ZHX2: variants seen among roughly 807,000 people sequenced by gnomAD.
ZHX2 encodes zinc fingers and homeoboxes 2, also known as zinc fingers and homeoboxes protein 2.
Under a neutral mutation model 21.9 loss-of-function variants are expected in ZHX2, and 6 were observed. The ratio of observed to expected loss-of-function variants is 0.27; its 90% CI spans 0.15 to 0.54. The LOEUF is 0.54. Ranked by LOEUF, ZHX2 falls within the 20% of genes least tolerant of loss-of-function variation. ZHX2 has a pLI of 0.95. For missense variants in ZHX2, 908 were observed against 1,090.7 expected, an observed-to-expected ratio of 0.83 and a Z score of 2.36; for synonymous variants, 434 against 437.1, an observed-to-expected ratio of 0.99 and a Z score of 0.09.
chr8:122,966,874 A>G (rs1490519025), intron 3 of ZHX2, among the ~76,000 whole-genome samples: 1 of 152,056 alleles, frequency 6.6e-6, no homozygotes, highest in African/African-American at 2.4e-5. Context: ...GTCTCTGTCA[A>G]GTTGGGTTAA....
rs745585522 is a variant in ZHX2, at chr8:122,953,704, A to G, written c.2194A>G (p.Lys732Glu). 24 of 1,614,112 alleles carry G rather than the reference A, an allele frequency of 1.5e-5. No homozygotes were observed. The highest frequency in any genetic ancestry group is 2.0e-5 in the Non-Finnish European group (24 of 1,180,044). Reference protein sequence around the residue: ...NGGDVVPQYYKDPKKLCEEDL... With the variant: ...NGGDVVPQYYEDPKKLCEEDL... Reference sequence around the variant, plus strand: ...GGGTGATGTGGTTCCACAATATTACAAGGACCCCAAAAAGCTCTGCGAAGA... The same window carrying G: ...GGGTGATGTGGTTCCACAATATTACGAGGACCCCAAAAAGCTCTGCGAAGA... The change falls in exon 3 of 4, where the codon AAG becomes GAG. Residue 732 changes from lysine (K) to glutamate (E), a missense_variant. Physicochemically the swap from Lys to Glu is moderately conservative, Grantham distance 56. Coordinates refer to ENST00000314393, the MANE Select transcript of ZHX2 (RefSeq NM_014943.5). This position sits in a 1 kb window ranked among gnomAD's most constrained non-coding sequence, Gnocchi z 4.6.
At chr8:122,814,188 G>A (rs1461214065) in intron 1 of ZHX2, among the ~76,000 whole-genome samples, 1 of 152,178 alleles carries the variant, frequency 6.6e-6, no homozygotes, top group Non-Finnish European at 1.5e-5. Flanking sequence ...AAAGAGCCAA[G>A]GCAGCTTCCT....
intron 1 of ZHX2, among the ~76,000 whole-genome samples, chr8:122,816,187 C>G (rs1486223377): frequency 6.6e-6 from 1 of 151,770 alleles, no homozygotes; most frequent in Non-Finnish European, 1.5e-5. Context: ...CTTCCACCAT[C>G]AAAAGGCTAA....
At chr8:122,830,339 G>A (rs1340503244) in intron 1 of ZHX2, among the ~76,000 whole-genome samples, 5 of 152,108 alleles carry the variant, frequency 3.3e-5, no homozygotes, top group Admixed American at 6.5e-5. Flanking sequence ...TTTTGCTGGC[G>A]CACACTGCTG....
intron 2 of ZHX2, among the ~76,000 whole-genome samples, chr8:122,886,765 A>G (rs1164219613): frequency 1.3e-5 from 2 of 152,206 alleles, no homozygotes; most frequent in Non-Finnish European, 2.9e-5. Flanking sequence ...CATAATAGAA[A>G]TTATTGCTGG....
At chr8:122,910,588 C>T (rs1364107237) in intron 2 of ZHX2, among the ~76,000 whole-genome samples, 1 of 152,204 alleles carries the variant, frequency 6.6e-6, no homozygotes, top group Non-Finnish European at 1.5e-5. Flanking sequence ...CTTTGGCAGT[C>T]TCTCAGCTTG....
chr8:122,892,839 CACA>C (rs1380375276), intron 2 of ZHX2, among the ~76,000 whole-genome samples: 2 of 152,272 alleles, frequency 1.3e-5, no homozygotes, highest in Admixed American at 1.3e-4. Context: ...TGTACACCAC[CACA>C]TTTGGCTAAT....
intron 2 of ZHX2, among the ~76,000 whole-genome samples, chr8:122,924,171 A>G (rs1219928009): frequency 6.6e-6 from 1 of 152,174 alleles, no homozygotes; most frequent in Non-Finnish European, 1.5e-5. Flanking sequence ...TCTGGAGGCT[A>G]GAACTCCAAC....
chr8:122,782,202 AAG>A lies in ZHX2; in HGVS notation c.-283+259_-283+260del, dbSNP rs1336220107. ...AGAGAGGGAAGAAGATTTTTTTTTT[AAG>A]AGTTTTGATTACAAGTTTGGATAAA... On this transcript the variant is annotated intron_variant, in intron 1 of 3. Coordinates refer to ENST00000314393, the MANE Select transcript of ZHX2 (RefSeq NM_014943.5). This position sits in a 1 kb window ranked among gnomAD's most constrained non-coding sequence, Gnocchi z 5.3. Among the ~76,000 whole-genome samples, 6 of 151,168 alleles carry A rather than the reference AAG, an allele frequency of 4.0e-5. No homozygotes were observed. The highest frequency in any genetic ancestry group is 1.5e-4 in the African/African-American group (6 of 41,094).
At chr8:122,935,144 C>G (rs1384488862) in intron 2 of ZHX2, among the ~76,000 whole-genome samples, 1 of 151,044 alleles carries the variant, frequency 6.6e-6, no homozygotes, top group Non-Finnish European at 1.5e-5. Flanking sequence ...GACTTTTTTT[C>G]CTCTCTCTGT....
At chr8:122,803,937 T>C (rs113888787) in intron 1 of ZHX2, among the ~76,000 whole-genome samples, 208 of 152,236 alleles carry the variant, frequency 1.4e-3, no homozygotes, top group African/African-American at 4.6e-3. Flanking sequence ...GAGAAGCCAT[T>C]AGATGGAGGG....
intron 3 of ZHX2, among the ~76,000 whole-genome samples, chr8:122,957,131 A>G (rs1409178783): frequency 3.9e-5 from 6 of 152,036 alleles, no homozygotes; most frequent in African/African-American, 1.5e-4. Context: ...AAACCCAGAA[A>G]CAGACTCAGA....
intron 1 of ZHX2, among the ~76,000 whole-genome samples, chr8:122,787,665 T>C (rs532141469): frequency 6.6e-6 from 1 of 152,290 alleles, no homozygotes; most frequent in East Asian, 1.9e-4. Flanking sequence ...AGCTCTTTCT[T>C]TGGGAGGAAA....
intron 2 of ZHX2, among the ~76,000 whole-genome samples, chr8:122,877,530 G>A (rs999567129): frequency 1.8e-4 from 27 of 152,194 alleles, no homozygotes; most frequent in African/African-American, 6.0e-4. Context: ...CTGTGGGTTT[G>A]CGGAACTTGT....
At chr8:122,959,601 G>A (rs979648288) in intron 3 of ZHX2, among the ~76,000 whole-genome samples, 12 of 152,168 alleles carry the variant, frequency 7.9e-5, no homozygotes, top group African/African-American at 2.9e-4. Context: ...TTGGGATCTG[G>A]TATTTCAATC....
chr8:122,831,976 A>C (rs1374259985), intron 1 of ZHX2, among the ~76,000 whole-genome samples: 1 of 152,206 alleles, frequency 6.6e-6, no homozygotes, highest in East Asian at 1.9e-4. Flanking sequence ...GTGACACTAC[A>C]GCATAGCCAG....
intron 3 of ZHX2, 50 bp from the exon 4 acceptor site, chr8:122,973,192 A>T (rs1813769869): frequency 6.6e-6 from 1 of 152,308 alleles, no homozygotes; most frequent in Non-Finnish European, 1.5e-5. Context: ...CCCCCAGGGA[A>T]CAATGGTCAT....
intron 2 of ZHX2, among the ~76,000 whole-genome samples, chr8:122,932,505 T>C (rs556110439): frequency 6.6e-6 from 1 of 152,282 alleles, no homozygotes; most frequent in Admixed American, 6.5e-5. Flanking sequence ...ATAATCACAT[T>C]GCCTTCTCCT....
chr8:122,805,388 G>C (rs1817802498), intron 1 of ZHX2, among the ~76,000 whole-genome samples: 1 of 152,108 alleles, frequency 6.6e-6, no homozygotes, highest in South Asian at 2.1e-4. Context: ...TGGCATGTAG[G>C]GAACAAAGTG....
Sources: allele counts gnomAD v4.1 joint callset (sites outside exome capture counted in the v4.1 genomes callset), GRCh38; gene constraint gnomAD v4.1.1; non-coding constraint Gnocchi (gnomAD v3.1); transcripts MANE v1.5; gene names NCBI Gene and HGNC (gene_info 2026-07-23, HGNC 2026-07-21).